Variants in MAGI1 observed in about 807,000 individuals in gnomAD.
The protein encoded by MAGI1 is membrane-associated guanylate kinase, WW and PDZ domain-containing protein 1.
MAGI1 carries 58 observed loss-of-function variants against 139.9 expected under a neutral mutation model. The ratio of observed to expected loss-of-function variants is 0.41; its 90% CI spans 0.34 to 0.52. The LOEUF (loss-of-function observed/expected upper bound fraction) is 0.52, where lower values mean the gene tolerates loss of function less well. Among genes scored for constraint, MAGI1 ranks in the 20% least tolerant of loss-of-function variants. The probability of loss-of-function intolerance (pLI) is 0.12; values close to 1 mark genes in which losing one functional copy is unlikely to be tolerated. For synonymous variants in MAGI1, 812 were observed against 737.9 expected (o/e 1.10, Z -1.63); for missense variants, 1,874 against 1,901.6 (o/e 0.99, Z 0.27).
At position 65,694,732 on chromosome 3, in the gene MAGI1, A is replaced by C. The variant is rs1380856473; in HGVS notation, c.314-72644T>G. Among the ~76,000 whole-genome samples, 5 of 152,318 alleles carry C rather than the reference A, an allele frequency of 3.3e-5. No homozygotes were observed. The East Asian group carries it at 9.6e-4, about 29-fold the overall frequency. ...CTCCTGTGACTAACCCCTGAGCTGC[A>C]CTACTCAAAGCAAGGTCCTCTAATG... On this transcript the variant is annotated intron_variant, in intron 1 of 22. Transcript: ENST00000402939.
intron 1 of MAGI1, among the ~76,000 whole-genome samples, chr3:65,962,119 T>A (rs1260240723): frequency 7.1e-6 from 1 of 140,028 alleles, no homozygotes; most frequent in African/African-American, 2.9e-5. Flanking sequence ...TTAATCTGAT[T>A]GTATTTTTTT....
At chr3:66,020,951 T>C (rs1019394666) in intron 1 of MAGI1, among the ~76,000 whole-genome samples, 2 of 152,054 alleles carry the variant, frequency 1.3e-5, no homozygotes, top group Non-Finnish European at 1.5e-5. Flanking sequence ...AATGTACCGA[T>C]TAAAAAGAAA....
intron 1 of MAGI1, among the ~76,000 whole-genome samples, chr3:65,923,221 G>A (rs1257832368): frequency 8.0e-6 from 1 of 124,928 alleles, no homozygotes; most frequent in Non-Finnish European, 1.6e-5. Context: ...GCATTCAACA[G>A]ACATCTTTTT....
At chr3:65,692,194 CATT>C (rs1003343023) in intron 1 of MAGI1, among the ~76,000 whole-genome samples, 19 of 152,118 alleles carry the variant, frequency 1.2e-4, no homozygotes, top group Admixed American at 1.1e-3. Context: ...GAATAAGCAT[CATT>C]GAGAACTCTC....
chr3:65,781,413 A>G (rs1403924659), intron 1 of MAGI1, among the ~76,000 whole-genome samples: 3 of 152,138 alleles, frequency 2.0e-5, no homozygotes, highest in Non-Finnish European at 4.4e-5. Context: ...ATCTACCTTG[A>G]TCAGGAAATG....
chr3:65,989,894 G>A (rs535304325), intron 1 of MAGI1, among the ~76,000 whole-genome samples: 224 of 152,240 alleles, frequency 1.5e-3, no homozygotes, highest in African/African-American at 5.2e-3. Context: ...TGAATATTTG[G>A]GGAAAGTTAG....
At chr3:65,703,713 T>C (rs1210020514) in intron 1 of MAGI1, among the ~76,000 whole-genome samples, 1 of 152,178 alleles carries the variant, frequency 6.6e-6, no homozygotes, top group African/African-American at 2.4e-5. Context: ...CTTCCCAGTG[T>C]GCCCAGATGC....
intron 7 of MAGI1, among the ~76,000 whole-genome samples, chr3:65,446,776 G>C (rs534221310): frequency 6.6e-6 from 1 of 152,058 alleles, no homozygotes; most frequent in Non-Finnish European, 1.5e-5. Flanking sequence ...CTATCATTCA[G>C]GGTGAACCTT....
chr3:65,735,356 C>CGTCTGTGTGTGT (rs2034627195), intron 1 of MAGI1, among the ~76,000 whole-genome samples: 2 of 148,078 alleles, frequency 1.4e-5, no homozygotes, highest in Non-Finnish European at 3.0e-5. Flanking sequence ...TGTGTCTGCA[C>CGTCTGTGTGTGT]GTGTGTGTGT....
intron 1 of MAGI1, among the ~76,000 whole-genome samples, chr3:65,634,028 T>C (rs1321364295): frequency 6.6e-6 from 1 of 152,220 alleles, no homozygotes; most frequent in African/African-American, 2.4e-5. Context: ...GTACTTTCAA[T>C]GAGCCAGATA....
intron 1 of MAGI1, among the ~76,000 whole-genome samples, chr3:65,695,257 T>C (rs1006396627): frequency 2.0e-5 from 3 of 152,094 alleles, no homozygotes; most frequent in African/African-American, 4.8e-5. Flanking sequence ...GTATTTTAGG[T>C]GGGAGACTGT....
chr3:65,460,235 C>A (rs1276412521), intron 5 of MAGI1, among the ~76,000 whole-genome samples: 1 of 152,196 alleles, frequency 6.6e-6, no homozygotes, highest in Non-Finnish European at 1.5e-5. Context: ...AGCACTAGAA[C>A]AATTCCCACT....
intron 1 of MAGI1, among the ~76,000 whole-genome samples, chr3:65,710,868 T>G (rs552111855): frequency 6.6e-6 from 1 of 152,234 alleles, no homozygotes; most frequent in Non-Finnish European, 1.5e-5. Flanking sequence ...TGCCCATTGA[T>G]ACAGACTTTC....
At chr3:65,514,478 C>G (rs1450803243) in intron 2 of MAGI1, among the ~76,000 whole-genome samples, 2 of 149,570 alleles carry the variant, frequency 1.3e-5, no homozygotes, top group Non-Finnish European at 3.0e-5. Context: ...AACAAACAAC[C>G]CCATCAAAAA....
At chr3:65,642,227 C>T (rs1029132542) in intron 1 of MAGI1, among the ~76,000 whole-genome samples, 5 of 152,262 alleles carry the variant, frequency 3.3e-5, no homozygotes, top group African/African-American at 1.2e-4. Context: ...TAACACTGAA[C>T]CATGTGCTAC....
At chr3:65,627,863 T>A (rs1260916347) in intron 1 of MAGI1, among the ~76,000 whole-genome samples, 3 of 152,142 alleles carry the variant, frequency 2.0e-5, no homozygotes, top group African/African-American at 7.2e-5. Context: ...TTTACAGCAA[T>A]GTAACTCTGC....
intron 1 of MAGI1, among the ~76,000 whole-genome samples, chr3:65,888,105 A>G (rs1281495491): frequency 6.6e-6 from 1 of 152,176 alleles, no homozygotes; most frequent in Non-Finnish European, 1.5e-5. Flanking sequence ...TAGCGAAATT[A>G]CCTTCTCTCT....
intron 1 of MAGI1, among the ~76,000 whole-genome samples, chr3:65,958,455 G>T (rs1184122323): frequency 6.6e-6 from 1 of 152,170 alleles, no homozygotes; most frequent in Admixed American, 6.5e-5. Context: ...AGTGACTAGG[G>T]TTTACTGCAA....
chr3:65,712,238 G>C (rs950240921), intron 1 of MAGI1, among the ~76,000 whole-genome samples: 1 of 152,026 alleles, frequency 6.6e-6, no homozygotes, highest in African/African-American at 2.4e-5. Context: ...GAGAATTCCA[G>C]TTCCTCTCTC....
Sources: allele counts gnomAD v4.1 joint callset (sites outside exome capture counted in the v4.1 genomes callset), GRCh38; gene constraint gnomAD v4.1.1; transcripts MANE v1.5; gene names NCBI Gene and HGNC (gene_info 2026-07-23, HGNC 2026-07-21).